SUCLG2: variants seen among roughly 807,000 people sequenced by gnomAD.
SUCLG2 encodes the protein succinate-CoA ligase GDP-forming subunit beta, also known as succinate--CoA ligase [GDP-forming] subunit beta, mitochondrial.
SUCLG2 carries 42 observed loss-of-function variants against 47.9 expected under a neutral mutation model. The observed-to-expected ratio is 0.88, with a 90% CI of 0.69 to 1.14. SUCLG2 has a LOEUF of 1.14. Ranked by LOEUF, SUCLG2 falls within the 50% of genes most tolerant of loss-of-function variation. SUCLG2 has a pLI of 0.00. For missense variants in SUCLG2, 571 were observed against 525.9 expected (o/e 1.09, Z -0.84); for synonymous variants, 195 against 197.3 (o/e 0.99, Z 0.10).
intron 9 of SUCLG2, among the ~76,000 whole-genome samples, chr3:67,421,480 G>A (rs1048549317): frequency 1.3e-5 from 2 of 152,112 alleles, no homozygotes; most frequent in Non-Finnish European, 2.9e-5. Context: ...ACAGGACCTT[G>A]GACACATCTC....
At chr3:67,463,607 T>C (rs1575713118) in intron 9 of SUCLG2, among the ~76,000 whole-genome samples, 1 of 152,386 alleles carries the variant, frequency 6.6e-6, no homozygotes, top group Non-Finnish European at 1.5e-5. Context: ...ATAAAATGTT[T>C]TCTTGAATTA....
At chr3:67,424,601 C>T (rs889607032) in intron 9 of SUCLG2, among the ~76,000 whole-genome samples, 2 of 152,198 alleles carry the variant, frequency 1.3e-5, no homozygotes, top group Non-Finnish European at 2.9e-5. Context: ...TCTATGCCTC[C>T]TTTTCTTGGC....
At chr3:67,512,931 ACATATATATCTCTC>A (rs1264723805) in intron 6 of SUCLG2, among the ~76,000 whole-genome samples, 4 of 150,646 alleles carry the variant, frequency 2.7e-5, no homozygotes, top group African/African-American at 1.0e-4. Context: ...ATATATACGC[ACATATATATCTCTC>A]CATATATATC....
chr3:67,419,117 A>T (rs1052634130), intron 9 of SUCLG2, among the ~76,000 whole-genome samples: 3 of 152,182 alleles, frequency 2.0e-5, no homozygotes, highest in South Asian at 4.1e-4. Context: ...ATCACCAAGC[A>T]CTCAGTCCTG....
chr3:67,456,597 A>T (rs1704192673), intron 9 of SUCLG2, among the ~76,000 whole-genome samples: 1 of 152,244 alleles, frequency 6.6e-6, no homozygotes, highest in Admixed American at 6.5e-5. Context: ...TTCAGGCTTC[A>T]TTAGAAACAC....
chr3:67,446,417 ATTTTTTTTTTTTTTTT>A (rs750956324), intron 9 of SUCLG2, among the ~76,000 whole-genome samples: 8 of 32,196 alleles, frequency 2.5e-4, no homozygotes, highest in South Asian at 2.1e-3. Context: ...ACATATGTAC[ATTTTTTTTTTTTTTTT>A]TTTTTTTTTT....
At chr3:67,624,796 G>A (rs987074549) in intron 1 of SUCLG2, among the ~76,000 whole-genome samples, 5 of 151,518 alleles carry the variant, frequency 3.3e-5, no homozygotes, top group Non-Finnish European at 7.4e-5. Flanking sequence ...AATAATCCCT[G>A]AAAAAAAAAT....
chr3:67,386,305 G>C (rs1367014350), intron 10 of SUCLG2, among the ~76,000 whole-genome samples: 1 of 150,680 alleles, frequency 6.6e-6, no homozygotes, highest in Non-Finnish European at 1.5e-5. Context: ...CACCGTGTTA[G>C]CCAGGATGGT....
intron 2 of SUCLG2, among the ~76,000 whole-genome samples, chr3:67,573,778 C>CT (rs1398845408): frequency 6.6e-5 from 10 of 151,446 alleles, no homozygotes; most frequent in Middle Eastern, 6.8e-3. Context: ...TTGTTTCCCC[C>CT]TTTTTTTTTC....
At chr3:67,589,283 T>C (rs1708098242) in intron 2 of SUCLG2, among the ~76,000 whole-genome samples, 1 of 152,228 alleles carries the variant, frequency 6.6e-6, no homozygotes, top group African/African-American at 2.4e-5. Context: ...ATTGCTAACT[T>C]GAGAACATTA....
At chr3:67,620,446 G>A (rs879330964) in intron 1 of SUCLG2, among the ~76,000 whole-genome samples, 1 of 151,940 alleles carries the variant, frequency 6.6e-6, no homozygotes, top group Non-Finnish European at 1.5e-5. Context: ...TTAGCTGGGC[G>A]TGGTGGCACG....
intron 9 of SUCLG2, among the ~76,000 whole-genome samples, chr3:67,455,541 T>C (rs1021694209): frequency 7.9e-5 from 12 of 152,222 alleles, no homozygotes; most frequent in African/African-American, 2.2e-4. Flanking sequence ...AAGTGATATA[T>C]ACTGGCAATG....
chr3:67,630,197 T>C (rs912717097), intron 1 of SUCLG2, among the ~76,000 whole-genome samples: 1 of 152,178 alleles, frequency 6.6e-6, no homozygotes, highest in Admixed American at 6.5e-5. Flanking sequence ...TTACCTATCT[T>C]ACATATTTCA....
chr3:67,436,694 C>T (rs1377336446), intron 9 of SUCLG2, among the ~76,000 whole-genome samples: 1 of 152,026 alleles, frequency 6.6e-6, no homozygotes, highest in African/African-American at 2.4e-5. Flanking sequence ...TAAAAATTTA[C>T]CAGTATTTTT....
chr3:67,635,355 C>A (rs1279963288), intron 1 of SUCLG2, among the ~76,000 whole-genome samples: 1 of 152,188 alleles, frequency 6.6e-6, no homozygotes, highest in East Asian at 1.9e-4. Context: ...GAAACTGAGA[C>A]AGGCAACTGA....
At chr3:67,480,229 G>C (rs1156641373) in intron 9 of SUCLG2, among the ~76,000 whole-genome samples, 1 of 152,138 alleles carries the variant, frequency 6.6e-6, no homozygotes, top group South Asian at 2.1e-4. Flanking sequence ...GGGTTAAAGG[G>C]AACCAGTTGG....
chr3:67,404,238 C>T (rs542627724), intron 9 of SUCLG2, among the ~76,000 whole-genome samples: 51 of 151,906 alleles, frequency 3.4e-4, no homozygotes, highest in Admixed American at 9.8e-4. Flanking sequence ...CTCCCTGAAA[C>T]GCCGAAGAGA....
At chr3:67,541,815 C>T (rs1007861061) in intron 2 of SUCLG2, among the ~76,000 whole-genome samples, 3 of 151,934 alleles carry the variant, frequency 2.0e-5, no homozygotes, top group African/African-American at 7.3e-5. Context: ...AACAGTGGAT[C>T]TCTCTGCAGA....
intron 10 of SUCLG2, among the ~76,000 whole-genome samples, chr3:67,394,786 C>T (rs1702482647): frequency 6.6e-6 from 1 of 151,430 alleles, no homozygotes; most frequent in South Asian, 2.1e-4. Context: ...GGTCGGGTTA[C>T]CCACAAAGGG....
Sources: allele counts gnomAD v4.1 joint callset (sites outside exome capture counted in the v4.1 genomes callset), GRCh38; gene constraint gnomAD v4.1.1; transcripts MANE v1.5; gene names NCBI Gene and HGNC (gene_info 2026-07-23, HGNC 2026-07-21).